CWC27: variants seen among roughly 807,000 people sequenced by gnomAD.
The protein encoded by CWC27 is CWC27 spliceosome associated cyclophilin.
A neutral mutation model predicts 63.6 loss-of-function variants in CWC27; 47 were observed. That is an observed-to-expected ratio of 0.74 (90% CI 0.58 to 0.94). The LOEUF is 0.94. Among genes scored for constraint, CWC27 ranks in the 40% least tolerant of loss-of-function variants. The pLI is 0.00. For missense variants in CWC27, 495 were observed against 554.3 expected (o/e 0.89, Z 1.07); for synonymous variants, 175 against 179.8 (o/e 0.97, Z 0.22).
At chr5:64,847,991 AG>A (rs1746034832) in intron 10 of CWC27, among the ~76,000 whole-genome samples, 1 of 152,066 alleles carries the variant, frequency 6.6e-6, no homozygotes, top group Admixed American at 6.5e-5. Context: ...CTAAGCCTAA[AG>A]CTAGGAGAGA....
intron 13 of CWC27, among the ~76,000 whole-genome samples, chr5:64,995,096 C>T (rs555735707): frequency 7.3e-5 from 11 of 151,340 alleles, no homozygotes; most frequent in Non-Finnish European, 1.0e-4. Flanking sequence ...CTCAGCCTCC[C>T]GAGTAGTTGG....
At chr5:65,000,838 G>C (rs544768506) in intron 13 of CWC27, among the ~76,000 whole-genome samples, 2 of 151,930 alleles carry the variant, frequency 1.3e-5, no homozygotes, top group Non-Finnish European at 2.9e-5. Flanking sequence ...CAAATTGTAG[G>C]ATTTTTTTTC....
intron 13 of CWC27, among the ~76,000 whole-genome samples, chr5:64,984,052 C>T (rs1295043783): frequency 6.6e-6 from 1 of 152,034 alleles, no homozygotes; most frequent in Non-Finnish European, 1.5e-5. Context: ...AGACTGGTCT[C>T]GAACTCCTGA....
intron 2 of CWC27, among the ~76,000 whole-genome samples, chr5:64,781,480 G>T (rs1743688219): frequency 2.0e-5 from 3 of 152,176 alleles, no homozygotes; most frequent in African/African-American, 7.2e-5. Flanking sequence ...GACATTTTGG[G>T]CTGGTAATTC....
chr5:64,900,275 G>A (rs960679836), intron 11 of CWC27, among the ~76,000 whole-genome samples: 1 of 152,082 alleles, frequency 6.6e-6, no homozygotes, highest in Admixed American at 6.6e-5. Flanking sequence ...AGTTTGCAGT[G>A]TTACTTTGTG....
intron 10 of CWC27, among the ~76,000 whole-genome samples, chr5:64,826,580 C>T (rs1049129796): frequency 1.3e-5 from 2 of 152,054 alleles, no homozygotes; most frequent in Admixed American, 1.3e-4. Context: ...CTTGATCAAT[C>T]AGTTTTTTTG....
At chr5:64,805,173 C>T (rs746742960) in intron 10 of CWC27, among the ~76,000 whole-genome samples, 58 of 151,718 alleles carry the variant, frequency 3.8e-4, no homozygotes, top group Non-Finnish European at 5.5e-4. Context: ...AGGATTTCCA[C>T]GCTATCATTG....
At chr5:64,957,215 C>T (rs950659904) in intron 11 of CWC27, among the ~76,000 whole-genome samples, 5 of 152,124 alleles carry the variant, frequency 3.3e-5, no homozygotes, top group Non-Finnish European at 4.4e-5. Context: ...TCGCCTTGGG[C>T]AATTTTAGGT....
At chr5:64,892,493 T>A (rs1321323565) in intron 11 of CWC27, among the ~76,000 whole-genome samples, 1 of 152,188 alleles carries the variant, frequency 6.6e-6, no homozygotes, top group Non-Finnish European at 1.5e-5. Flanking sequence ...AGATAACCAG[T>A]TAACTTTGTG....
intron 10 of CWC27, among the ~76,000 whole-genome samples, chr5:64,810,642 T>C (rs1280682183): frequency 1.3e-5 from 2 of 152,172 alleles, no homozygotes; most frequent in Non-Finnish European, 2.9e-5. Context: ...CTAAGTATTT[T>C]TTTAATGCTA....
At chr5:64,916,885 T>TTAG (rs56214406) in intron 11 of CWC27, among the ~76,000 whole-genome samples, 18,088 of 143,940 alleles carry the variant, frequency 0.13, 1,115 homozygotes, top group African/African-American at 0.17. Context: ...AGTAGTAGTA[T>TTAG]TAGTAGTAGT....
intron 10 of CWC27, among the ~76,000 whole-genome samples, chr5:64,840,205 C>A (rs536278888): frequency 6.6e-6 from 1 of 151,116 alleles, no homozygotes; most frequent in East Asian, 2.0e-4. Flanking sequence ...TGACGAAGAC[C>A]AACAGCAGGA....
chr5:64,965,013 C>T (rs752770769), intron 11 of CWC27, among the ~76,000 whole-genome samples: 1 of 152,092 alleles, frequency 6.6e-6, no homozygotes, highest in Non-Finnish European at 1.5e-5. Context: ...CACTTGAACC[C>T]GGGAAGTGGA....
chr5:64,822,725 T>G (rs1053023800), intron 10 of CWC27, among the ~76,000 whole-genome samples: 3 of 152,170 alleles, frequency 2.0e-5, no homozygotes, highest in South Asian at 2.1e-4. Flanking sequence ...ATAGATTAAT[T>G]TTTTTAAAAC....
At chr5:64,784,672 A>G (rs74843505) in intron 4 of CWC27, among the ~76,000 whole-genome samples, 5,786 of 152,302 alleles carry the variant, frequency 0.038, 389 homozygotes, top group African/African-American at 0.13. Flanking sequence ...TGAAAGGGAA[A>G]AAAACAAATT....
chr5:64,995,340 G>A (rs1030907673), intron 13 of CWC27, among the ~76,000 whole-genome samples: 7 of 152,056 alleles, frequency 4.6e-5, no homozygotes, highest in Admixed American at 6.6e-5. Flanking sequence ...TTTGTTTATG[G>A]TGACTTTGTT....
At chr5:65,005,776 G>GA (rs1487584167) in intron 13 of CWC27, among the ~76,000 whole-genome samples, 3 of 152,056 alleles carry the variant, frequency 2.0e-5, no homozygotes, top group African/African-American at 7.2e-5. Context: ...CAGTAATAGA[G>GA]AAAAGCCCTA....
intron 11 of CWC27, among the ~76,000 whole-genome samples, chr5:64,890,641 A>G (rs1009227615): frequency 5.9e-5 from 9 of 152,090 alleles, no homozygotes; most frequent in Non-Finnish European, 1.2e-4. Flanking sequence ...TATTTACATA[A>G]AGTGAAAGTA....
intron 13 of CWC27, among the ~76,000 whole-genome samples, chr5:64,986,824 C>A (rs1356563228): frequency 6.6e-6 from 1 of 152,150 alleles, no homozygotes; most frequent in Non-Finnish European, 1.5e-5. Flanking sequence ...GTAAGCTGAT[C>A]TGGAAAATGA....
Sources: gnomAD v4.1 joint callset for allele counts (sites outside exome capture counted in the v4.1 genomes callset) on GRCh38, gnomAD v4.1.1 for gene constraint, MANE v1.5 for transcripts, NCBI Gene and HGNC (gene_info 2026-07-23, HGNC 2026-07-21) for gene names.